Variants in MYO18B observed in about 807,000 individuals in gnomAD.
MYO18B encodes the protein unconventional myosin-XVIIIb.
Under a neutral mutation model 273.0 loss-of-function variants are expected in MYO18B, and 204 were observed. The ratio of observed to expected loss-of-function variants is 0.75; its 90% CI spans 0.67 to 0.84. The LOEUF is 0.84. MYO18B is among the 40% of genes least tolerant of loss of function. The pLI is 0.00. For synonymous variants in MYO18B, 1,330 were observed against 1,305.7 expected (o/e 1.02, Z -0.40); for missense variants, 3,212 against 3,287.6 (o/e 0.98, Z 0.56).
intron 19 of MYO18B, among the ~76,000 whole-genome samples, chr22:25,846,950 G>A (rs944034247): frequency 6.6e-6 from 1 of 152,064 alleles, no homozygotes; most frequent in Non-Finnish European, 1.5e-5. Context: ...GCGTGGTGAT[G>A]CATGTCTGTA....
At chr22:25,821,543 T>C (rs997429521) in intron 12 of MYO18B, among the ~76,000 whole-genome samples, 112 of 152,236 alleles carry the variant, frequency 7.4e-4, no homozygotes, top group African/African-American at 2.5e-3. Context: ...TTTGGGAGGC[T>C]GAGGTGGGCA....
At chr22:25,766,165 A>C (rs2086500199) in intron 3 of MYO18B, among the ~76,000 whole-genome samples, 1 of 152,120 alleles carries the variant, frequency 6.6e-6, no homozygotes, top group African/African-American at 2.4e-5. Context: ...AGTTCAAGGC[A>C]CTGGCTTTGG....
chr22:25,799,025 C>T (rs994793125), intron 12 of MYO18B, among the ~76,000 whole-genome samples: 2 of 152,116 alleles, frequency 1.3e-5, no homozygotes, highest in African/African-American at 4.8e-5. Context: ...AGTTCTTACC[C>T]TCTCCGTATC....
rs541927275 is a variant in MYO18B, at chr22:25,793,411, A to AT, written c.2377-4536dup. On this transcript the variant is annotated intron_variant, in intron 11 of 43. Coordinates refer to ENST00000335473, the MANE Select transcript of MYO18B (RefSeq NM_032608.7). ...CACCATGCCTGGATAATTTTTATAT[A>AT]TTTTTTATAGATACGAGAGGTCTTG... 1.7e-3 allele frequency among the ~76,000 whole-genome samples: 266 copies of AT among 152,086 alleles called. 3 individuals are homozygous for AT. In the East Asian group the frequency reaches 0.024, roughly 14 times the overall value.
At chr22:25,783,514 C>G (rs576242573) in intron 10 of MYO18B, among the ~76,000 whole-genome samples, 2 of 152,234 alleles carry the variant, frequency 1.3e-5, no homozygotes, top group African/African-American at 2.4e-5. Flanking sequence ...ACACACATCA[C>G]CCTTGTTCCA....
chr22:26,027,642 T>C lies in MYO18B; in HGVS notation c.7668T>C (p.Asp2556=). The C allele has an allele frequency of 6.2e-7, 1 of 1,613,632 alleles. No homozygotes were observed. Among genetic ancestry groups the C allele is most frequent in the Non-Finnish European group, 8.5e-7 (1 of 1,179,704 alleles). The change falls in exon 43 of 44, where the codon GAT becomes GAC. Residue 2556 remains aspartate, a synonymous_variant. Transcript: ENST00000335473. This position sits in a 1 kb window ranked among gnomAD's most constrained non-coding sequence, Gnocchi z 4.1. ...REPGTGRKDD[D]VASIMKKYLQ... ...CAGGGACGGGGAGGAAAGACGACGA[T>C]GTTGCGAGCATAATGAAGAAATACC...
chr22:25,786,232 T>G (rs2087381989), intron 11 of MYO18B, among the ~76,000 whole-genome samples: 1 of 152,148 alleles, frequency 6.6e-6, no homozygotes, highest in Admixed American at 6.5e-5. Flanking sequence ...AGACACAGAC[T>G]TGGAAATTAA....
intron 13 of MYO18B, among the ~76,000 whole-genome samples, chr22:25,824,242 A>G (rs1039618225): frequency 1.3e-5 from 2 of 152,178 alleles, no homozygotes; most frequent in African/African-American, 4.8e-5. Context: ...GGGAGACAGG[A>G]GACCCACTGG....
At chr22:25,979,819 A>G (rs890455862) in intron 39 of MYO18B, among the ~76,000 whole-genome samples, 4 of 151,950 alleles carry the variant, frequency 2.6e-5, no homozygotes, top group African/African-American at 4.8e-5. Flanking sequence ...CTCCATCCCA[A>G]TGCCCCAAGA....
chr22:25,921,697 G>T (rs1011324966), intron 34 of MYO18B, among the ~76,000 whole-genome samples: 10 of 147,852 alleles, frequency 6.8e-5, no homozygotes, highest in Non-Finnish European at 1.0e-4. Context: ...AGTGCAGTGT[G>T]CCTGTTGTGT....
chr22:25,870,769 G>C (rs2091025328), intron 22 of MYO18B, among the ~76,000 whole-genome samples: 1 of 152,122 alleles, frequency 6.6e-6, no homozygotes, highest in African/African-American at 2.4e-5. Flanking sequence ...AGGGGGGCAG[G>C]GCTGGCAATC....
At chr22:25,857,452 A>G (rs1284224405) in intron 21 of MYO18B, among the ~76,000 whole-genome samples, 3 of 150,326 alleles carry the variant, frequency 2.0e-5, no homozygotes, top group Non-Finnish European at 4.4e-5. Flanking sequence ...CCACCCTGGC[A>G]GACACTCCCA....
chr22:25,950,518 ATGTGTGTGTGTG>A (rs59002655), intron 37 of MYO18B, 68 bp downstream of exon 37: 25 of 606,200 alleles, frequency 4.1e-5, no homozygotes, highest in Middle Eastern at 4.2e-4. Flanking sequence ...AACTAATAGG[ATGTGTGTGTGTG>A]TGTGTGTGTG....
intron 25 of MYO18B, among the ~76,000 whole-genome samples, chr22:25,881,567 A>G (rs1213985733): frequency 6.6e-6 from 1 of 152,196 alleles, no homozygotes; most frequent in Non-Finnish European, 1.5e-5. Context: ...TGAAGCAGTC[A>G]TTAATCACGA....
intron 39 of MYO18B, among the ~76,000 whole-genome samples, chr22:25,980,621 A>G (rs1319415816): frequency 6.6e-6 from 1 of 152,230 alleles, no homozygotes; most frequent in Non-Finnish European, 1.5e-5. Flanking sequence ...ATTCATGAAA[A>G]GCAGTTGTCC....
intron 40 of MYO18B, among the ~76,000 whole-genome samples, chr22:26,001,283 T>G (rs1045109152): frequency 3.9e-5 from 6 of 152,202 alleles, no homozygotes; most frequent in Admixed American, 3.9e-4. Context: ...AAACTCTAAA[T>G]GAAGAGAGCT....
At chr22:25,892,029 G>A (rs888447975) in intron 27 of MYO18B, among the ~76,000 whole-genome samples, 3 of 152,266 alleles carry the variant, frequency 2.0e-5, no homozygotes, top group Admixed American at 6.5e-5. Flanking sequence ...AAAAGAAAAC[G>A]TAAATTTTGA....
At chr22:25,971,020 G>A (rs2146734163) in intron 39 of MYO18B, among the ~76,000 whole-genome samples, 1 of 152,298 alleles carries the variant, frequency 6.6e-6, no homozygotes, top group Admixed American at 6.5e-5. Flanking sequence ...TCTGATCCAG[G>A]GACTGGCAAG....
intron 39 of MYO18B, among the ~76,000 whole-genome samples, chr22:25,963,178 T>TCTCTCTCACACA (rs774304270): frequency 1.7e-4 from 25 of 144,168 alleles, no homozygotes; most frequent in South Asian, 1.2e-3. Context: ...TCTCTCTCTC[T>TCTCTCTCACACA]CACACACACA....
Sources: allele counts gnomAD v4.1 joint callset (sites outside exome capture counted in the v4.1 genomes callset), GRCh38; gene constraint gnomAD v4.1.1; non-coding constraint Gnocchi (gnomAD v3.1); transcripts MANE v1.5; gene names NCBI Gene and HGNC (gene_info 2026-07-23, HGNC 2026-07-21).